The following RIMS2 variants were observed in gnomAD, a reference collection of about 807,000 sequenced individuals.
RIMS2 encodes the protein regulating synaptic membrane exocytosis 2.
Under a neutral mutation model 174.4 loss-of-function variants are expected in RIMS2, and 59 were observed. The ratio of observed to expected loss-of-function variants is 0.34; its 90% CI spans 0.27 to 0.42. The LOEUF is 0.42. Ranked by LOEUF, RIMS2 falls within the 10% of genes least tolerant of loss-of-function variation. The pLI is 1.00. For missense variants in RIMS2, 1,620 were observed against 1,666.3 expected, an observed-to-expected ratio of 0.97 and a Z score of 0.48; for synonymous variants, 606 against 572.5, an observed-to-expected ratio of 1.06 and a Z score of -0.84.
At chr8:103,587,123 C>T (rs1438656971) in intron 1 of RIMS2, among the ~76,000 whole-genome samples, 3 of 151,918 alleles carry the variant, frequency 2.0e-5, no homozygotes, top group Non-Finnish European at 4.4e-5. Context: ...GGACAAATTT[C>T]TAGACATATA....
chr8:103,530,469 A>T (rs548617313), intron 1 of RIMS2, among the ~76,000 whole-genome samples: 1 of 152,284 alleles, frequency 6.6e-6, no homozygotes, highest in East Asian at 1.9e-4. Context: ...TTGGATAAAA[A>T]ACAGAATCCA....
chr8:103,700,780 T>C (rs1456246397), intron 2 of RIMS2, among the ~76,000 whole-genome samples: 1 of 152,048 alleles, frequency 6.6e-6, no homozygotes, highest in Non-Finnish European at 1.5e-5. Flanking sequence ...GCTCAATAGC[T>C]GTAACTGTTT....
chr8:104,189,221 C>T lies in RIMS2; in HGVS notation c.3335-55695C>T, dbSNP rs118041714. Among the ~76,000 whole-genome samples, 26 of 152,022 alleles carry T rather than the reference C, an allele frequency of 1.7e-4. 1 individual carries two copies. In the East Asian group the frequency reaches 4.3e-3, roughly 25 times the overall value. On this transcript the variant is annotated intron_variant, in intron 19 of 23. Transcript: ENST00000504942. ...AGAAAAAGAAGCCCCCAATAAGTTTCGAAACAAGGAATGGGAAGAAGGTGC... is the reference window on the plus strand; with the variant it reads ...AGAAAAAGAAGCCCCCAATAAGTTTTGAAACAAGGAATGGGAAGAAGGTGC...
intron 19 of RIMS2, among the ~76,000 whole-genome samples, chr8:104,201,096 C>T (rs2099052400): frequency 1.3e-5 from 2 of 152,084 alleles, no homozygotes; most frequent in South Asian, 4.2e-4. Flanking sequence ...AGCACAGTAC[C>T]CAATAGGTAG....
intron 3 of RIMS2, among the ~76,000 whole-genome samples, chr8:103,785,865 C>G (rs2098438605): frequency 6.6e-6 from 1 of 152,168 alleles, no homozygotes; most frequent in Admixed American, 6.5e-5. Flanking sequence ...CTCCTTGTAT[C>G]TCTGGTAGAA....
intron 17 of RIMS2, among the ~76,000 whole-genome samples, chr8:103,997,139 G>A (rs927198217): frequency 4.0e-5 from 6 of 151,788 alleles, no homozygotes; most frequent in Non-Finnish European, 8.9e-5. Flanking sequence ...AGCAGAGGTG[G>A]CAAGAATTGT....
At chr8:103,811,435 A>T (rs1272405350) in intron 3 of RIMS2, among the ~76,000 whole-genome samples, 1 of 152,034 alleles carries the variant, frequency 6.6e-6, no homozygotes, top group Non-Finnish European at 1.5e-5. Flanking sequence ...TTTTATTTTT[A>T]TTTAATTAAA....
chr8:103,527,891 T>C (rs763600435), intron 1 of RIMS2, among the ~76,000 whole-genome samples: 8 of 152,192 alleles, frequency 5.3e-5, no homozygotes, highest in Non-Finnish European at 8.8e-5. Context: ...TTTATAATCC[T>C]TTGGGTATAT....
rs1251944941 is a variant in RIMS2, at chr8:104,014,587, G to A, written c.3306G>A (p.Gln1102=). Residue 1102 remains glutamine (Q), a synonymous_variant, in exon 19 of 24, where the codon CAG becomes CAA. Coordinates refer to ENST00000504942, the Ensembl canonical transcript of RIMS2. ...GACGAAGGGGCCGACAGCTTCCACA[G>A]CTTCCACCAAAGGGAACGTTGGATA... 1.9e-6 allele frequency: 3 copies of A among 1,612,090 alleles called. No homozygotes were observed. The Admixed American group carries it at 5.0e-5, about 27-fold the overall frequency.
intron 1 of RIMS2, among the ~76,000 whole-genome samples, chr8:103,593,103 A>T (rs546208549): frequency 4.0e-5 from 6 of 151,628 alleles, no homozygotes; most frequent in African/African-American, 1.4e-4. Context: ...CACTTAAAGG[A>T]AGACAACTGA....
chr8:103,765,216 T>C (rs895237954), intron 2 of RIMS2, among the ~76,000 whole-genome samples: 1 of 152,148 alleles, frequency 6.6e-6, no homozygotes, highest in African/African-American at 2.4e-5. Context: ...TTTATGATAA[T>C]ATGGCTTTTT....
intron 19 of RIMS2, among the ~76,000 whole-genome samples, chr8:104,221,789 A>G (rs1272057415): frequency 6.6e-6 from 1 of 152,254 alleles, no homozygotes; most frequent in African/African-American, 2.4e-5. Flanking sequence ...TATTACTTGT[A>G]TGCATTTTTC....
chr8:103,918,782 A>G lies in RIMS2; in HGVS notation c.2083+295A>G, dbSNP rs546449527. 1.9e-4 allele frequency: 50 copies of G among 258,726 alleles called. 1 individual carries two copies. In the East Asian group the frequency reaches 2.7e-3, roughly 14 times the overall value. 16.0% of individuals were successfully genotyped at this position (258,726 alleles called of 1,614,324 possible). ...AAGTACACAATTAGGTAAGTTTTGA[A>G]ATACATATATACCTGTGAAACCATC... On this transcript the variant is annotated intron_variant, in intron 9 of 23. Transcript: ENST00000504942.
At chr8:103,660,314 C>T (rs970123395) in intron 1 of RIMS2, among the ~76,000 whole-genome samples, 1 of 152,334 alleles carries the variant, frequency 6.6e-6, no homozygotes, top group South Asian at 2.1e-4. Context: ...GCAAGTGAAG[C>T]GCTAGCTGGA....
chr8:103,759,340 C>T (rs149123210), intron 2 of RIMS2, among the ~76,000 whole-genome samples: 3,810 of 151,878 alleles, frequency 0.025, 72 homozygotes, highest in Non-Finnish European at 0.038. Flanking sequence ...CCGAGGCAGG[C>T]GGATCACGAG....
chr8:103,885,347 A>G, exon 4 of RIMS2: 3 of 1,611,014 alleles, frequency 1.9e-6, no homozygotes, highest in Non-Finnish European at 2.5e-6. Flanking sequence ...ATACGACCAA[A>G]GGGAAGAAAG....
chr8:104,190,837 G>T (rs1472951619), intron 19 of RIMS2, among the ~76,000 whole-genome samples: 1 of 151,918 alleles, frequency 6.6e-6, no homozygotes, highest in Non-Finnish European at 1.5e-5. Flanking sequence ...CTGGCAGACT[G>T]AATTATTGAT....
intron 2 of RIMS2, among the ~76,000 whole-genome samples, chr8:103,758,676 AC>A (rs2098064891): frequency 6.6e-6 from 1 of 151,978 alleles, no homozygotes; most frequent in African/African-American, 2.4e-5. Context: ...TTTCTTTTTT[AC>A]TTTTATTTAT....
At chr8:104,209,594 T>G (rs1288116236) in intron 19 of RIMS2, among the ~76,000 whole-genome samples, 2 of 152,210 alleles carry the variant, frequency 1.3e-5, no homozygotes, top group African/African-American at 4.8e-5. Context: ...ACTGGCTTAT[T>G]TTGTTTGTTG....
Sources: gnomAD v4.1 joint callset for allele counts (sites outside exome capture counted in the v4.1 genomes callset) on GRCh38, gnomAD v4.1.1 for gene constraint, MANE v1.5 for transcripts, NCBI Gene and HGNC (gene_info 2026-07-23, HGNC 2026-07-21) for gene names.